Variants in AQP9 observed in about 807,000 individuals in gnomAD.
AQP9 encodes the protein aquaporin-9.
In AQP9, 19 loss-of-function variants were observed where a neutral mutation model predicts 23.8. That is an observed-to-expected ratio of 0.80 (90% CI 0.56 to 1.17). AQP9 has a LOEUF of 1.17. AQP9 is among the 50% of genes most tolerant of loss of function. The pLI, the probability that AQP9 is intolerant of heterozygous loss-of-function variation, is 0.00. For missense variants in AQP9, 413 were observed against 362.0 expected (o/e 1.14, Z -1.14); for synonymous variants, 153 against 131.5 (o/e 1.16, Z -1.12).
intron 5 of AQP9, among the ~76,000 whole-genome samples, chr15:58,182,372 G>A (rs1373305372): frequency 1.3e-5 from 2 of 152,146 alleles, no homozygotes; most frequent in Admixed American, 6.5e-5. Context: ...AGGCTAGGCA[G>A]GTAACCACAT....
At chr15:58,152,158 A>G (rs780937505) in intron 1 of AQP9, 1 of 152,128 alleles carries the variant, frequency 6.6e-6, no homozygotes, top group Non-Finnish European at 1.5e-5. Context: ...TAGCCGAATT[A>G]TATTACTTAT....
chr15:58,148,447 G>C (rs1898088725), intron 1 of AQP9, among the ~76,000 whole-genome samples: 1 of 152,100 alleles, frequency 6.6e-6, no homozygotes, highest in Non-Finnish European at 1.5e-5. Flanking sequence ...GAGATTTGCA[G>C]ACCCTGGAAA....
chr15:58,142,033 G>C (rs1366656587), intron 1 of AQP9, among the ~76,000 whole-genome samples: 1 of 152,168 alleles, frequency 6.6e-6, no homozygotes, highest in Non-Finnish European at 1.5e-5. Context: ...AGATATCACT[G>C]GCCCTTTTTA....
chr15:58,180,335 G>T (rs1380676284), intron 5 of AQP9, among the ~76,000 whole-genome samples: 1 of 152,214 alleles, frequency 6.6e-6, no homozygotes. Flanking sequence ...CCTAGACATA[G>T]AGTCATCAGG....
At chr15:58,179,509 ATG>A (rs3052103) in intron 5 of AQP9, among the ~76,000 whole-genome samples, 164 bp downstream of exon 5, 4,796 of 148,760 alleles carry the variant, frequency 0.032, 164 homozygotes, top group African/African-American at 0.086. Context: ...TTGTGGTATG[ATG>A]TGTGTGTGTG....
At chr15:58,171,386 C>T (rs1415958470) in intron 2 of AQP9, among the ~76,000 whole-genome samples, 1 of 152,106 alleles carries the variant, frequency 6.6e-6, no homozygotes, top group Admixed American at 6.5e-5. Flanking sequence ...TGCACCTGGC[C>T]CCGCACCCCT....
intron 2 of AQP9, among the ~76,000 whole-genome samples, chr15:58,169,575 G>C (rs879746780): frequency 3.7e-4 from 57 of 152,204 alleles, no homozygotes; most frequent in Non-Finnish European, 5.9e-4. Flanking sequence ...GGCTTGTAAG[G>C]TCTGCTTGAA....
Position 58,166,813 on chromosome 15 carries a change from A to G in AQP9, c.238+14A>G. 1.2e-6 allele frequency: 2 copies of G among 1,612,762 alleles called. No individual in the cohort carries two copies. Among genetic ancestry groups the G allele is most frequent in the South Asian group, 1.1e-5 (1 of 90,836 alleles). On this transcript the variant is annotated intron_variant, in intron 2 of 5. Coordinates refer to ENST00000219919, the MANE Select transcript of AQP9 (RefSeq NM_020980.5). ...GCGGTGTCTCTGGTAAGCAGTAGAA[A>G]TAATGAATGCTGCTCTTAATTCAGC... is the stretch of plus-strand genomic sequence containing the variant.
chr15:58,138,668 A>G lies in AQP9; in HGVS notation c.103A>G (p.Ile35Val), dbSNP rs762758578. 6.2e-6 allele frequency: 10 copies of G among 1,613,428 alleles called. 1 individual carries two copies. In the South Asian group the frequency reaches 1.1e-4, roughly 18 times the overall value. The part of the protein sequence containing the change: ...ETLSEFLGTF[I>V]LIVLGCGCVA... Reference sequence around the variant, plus strand: ...CCTCTCTGAGTTCTTGGGCACGTTCATCTTGATTGTAAGTATTTCCTGATT... The same window carrying G: ...CCTCTCTGAGTTCTTGGGCACGTTCGTCTTGATTGTAAGTATTTCCTGATT... The change falls in exon 1 of 6, where the codon ATC becomes GTC. Residue 35 changes from isoleucine to valine, a missense_variant. By Grantham distance (29) the Ile-to-Val change is conservative. Transcript: ENST00000219919.
chr15:58,143,033 T>C (rs1355880714), intron 1 of AQP9, among the ~76,000 whole-genome samples: 5 of 152,210 alleles, frequency 3.3e-5, no homozygotes, highest in African/African-American at 7.2e-5. Flanking sequence ...CATCATTCAA[T>C]TGAGAGAACA....
rs1313372822 is a variant in AQP9 at position 58,184,582 on chromosome 15, C to CA, written c.*448dup. The CA allele has an allele frequency of 6.5e-6, 1 of 154,996 alleles. No homozygotes were observed. The highest frequency in any genetic ancestry group is 2.4e-5 in the African/African-American group (1 of 41,482). 9.6% of individuals were successfully genotyped at this position (154,996 alleles called of 1,614,324 possible). The stretch of plus-strand genomic sequence containing the variant: ...AAATTGAAAGACAAAACTATGGTTT[C>CA]AGTCAACATATTCATGAATTAGGGA... On this transcript the variant is annotated 3_prime_UTR_variant, in exon 6 of 6. Transcript: ENST00000219919.
At chr15:58,144,566 G>C (rs1898007189) in intron 1 of AQP9, among the ~76,000 whole-genome samples, 2 of 152,124 alleles carry the variant, frequency 1.3e-5, no homozygotes, top group South Asian at 4.2e-4. Context: ...TTATTACCAA[G>C]GTTATATTAG....
intron 2 of AQP9, among the ~76,000 whole-genome samples, chr15:58,167,190 C>G (rs1898527973): frequency 6.6e-6 from 1 of 152,180 alleles, no homozygotes; most frequent in Non-Finnish European, 1.5e-5. Context: ...TTATCTATAG[C>G]AAACAGGAAG....
chr15:58,178,703 C>T (rs944185054), intron 4 of AQP9, among the ~76,000 whole-genome samples: 5 of 152,164 alleles, frequency 3.3e-5, no homozygotes, highest in African/African-American at 7.2e-5. Flanking sequence ...TTCCTTTGCA[C>T]ACTCATCTAT....
intron 1 of AQP9, among the ~76,000 whole-genome samples, chr15:58,140,194 C>T (rs1396145223): frequency 6.9e-6 from 1 of 145,072 alleles, no homozygotes; most frequent in Non-Finnish European, 1.5e-5. Context: ...ATGAACTACA[C>T]ATCTTTTTTT....
intron 1 of AQP9, among the ~76,000 whole-genome samples, chr15:58,159,537 G>C (rs763023336): frequency 6.6e-6 from 1 of 152,042 alleles, no homozygotes; most frequent in East Asian, 1.9e-4. Flanking sequence ...TTTTCTTCTG[G>C]TGACTTTGAA....
At chr15:58,155,692 ATT>A (rs1245923811) in intron 1 of AQP9, 1 of 151,872 alleles carries the variant, frequency 6.6e-6, no homozygotes, top group Non-Finnish European at 1.5e-5. Context: ...TTCTAGTACT[ATT>A]TTCACCTGAT....
chr15:58,143,679 T>A (rs564651513), intron 1 of AQP9, among the ~76,000 whole-genome samples: 25 of 152,332 alleles, frequency 1.6e-4, no homozygotes, highest in Admixed American at 1.3e-3. Context: ...CTTCTCCAAT[T>A]TGAGACTTTT....
chr15:58,146,759 A>T (rs1898052693), intron 1 of AQP9: 1 of 152,324 alleles, frequency 6.6e-6, no homozygotes, highest in African/African-American at 2.4e-5. Context: ...TTCCCCAGGT[A>T]TACCGCCAGC....
Sources: allele counts gnomAD v4.1 joint callset (sites outside exome capture counted in the v4.1 genomes callset), GRCh38; gene constraint gnomAD v4.1.1; transcripts MANE v1.5; gene names NCBI Gene and HGNC (gene_info 2026-07-23, HGNC 2026-07-21).